PIEZO2: variants seen among roughly 807,000 people sequenced by gnomAD.
PIEZO2 encodes the protein piezo-type mechanosensitive ion channel component 2.
PIEZO2 carries 172 observed loss-of-function variants against 337.3 expected under a neutral mutation model. The observed-to-expected ratio is 0.51, with a 90% CI of 0.45 to 0.58. The LOEUF (loss-of-function observed/expected upper bound fraction) is 0.58, where lower values mean the gene tolerates loss of function less well. PIEZO2 is among the 20% of genes least tolerant of loss of function. The pLI is 0.00. For synonymous variants in PIEZO2, 1,251 were observed against 1,228.5 expected (o/e 1.02, Z -0.38); for missense variants, 3,028 against 3,391.3 (o/e 0.89, Z 2.66).
rs187083850 is a variant in PIEZO2 at position 10,834,535 on chromosome 18, G to C, written c.917+20818C>G. Among the ~76,000 whole-genome samples the C allele has an allele frequency of 2.2e-3, 331 of 152,290 alleles. 2 individuals are homozygous for C. Among genetic ancestry groups the C allele is most frequent in the Non-Finnish European group, 4.1e-3 (278 of 68,028 alleles). ...TGATGGAGTCACAGAGTCTTTTTGG[G>C]AGAATGCAACAGAATGTGATTGAAT... On this transcript the variant is annotated intron_variant, in intron 7 of 55. Coordinates refer to ENST00000674853, the MANE Select transcript of PIEZO2 (RefSeq NM_001378183.1). The surrounding 1 kb of genome is among the most constrained non-coding windows in gnomAD (Gnocchi z 4.5).
At position 10,677,355 on chromosome 18, in the gene PIEZO2, G is replaced by A. The variant is rs1598343662; in HGVS notation, c.8081+392C>T. On this transcript the variant is annotated intron_variant, in intron 53 of 55. Coordinates refer to ENST00000674853, the MANE Select transcript of PIEZO2 (RefSeq NM_001378183.1). The surrounding 1 kb of genome is among the most constrained non-coding windows in gnomAD (Gnocchi z 4.1). ...GCCTCAGGCTCCCAAGTAGCTGGGA[G>A]TACAGATGTGCACCACCACGCTTAG... Among the ~76,000 whole-genome samples, 1 of 152,096 alleles carries A rather than the reference G, an allele frequency of 6.6e-6. No homozygotes were observed. The highest frequency in any genetic ancestry group is 2.1e-4 in the South Asian group (1 of 4,830).
chr18:10,704,179 G>A (rs2035464354), intron 42 of PIEZO2: 2 of 620,730 alleles, frequency 3.2e-6, no homozygotes, highest in South Asian at 4.0e-5. Context: ...TGCGTGAGGT[G>A]TGCAGTGTGA....
chr18:10,754,987 A>G (rs2037780015), intron 27 of PIEZO2, among the ~76,000 whole-genome samples: 1 of 152,200 alleles, frequency 6.6e-6, no homozygotes. Context: ...AGCTTGGAAC[A>G]GAGCCTGGCG....
intron 37 of PIEZO2, 97 bp downstream of exon 37, chr18:10,718,103 C>T (rs1051214575): frequency 2.5e-5 from 26 of 1,058,452 alleles, no homozygotes; most frequent in African/African-American, 9.5e-5. Flanking sequence ...AAACAGTGTT[C>T]GATTCACAAT....
intron 1 of PIEZO2, among the ~76,000 whole-genome samples, chr18:11,119,170 CAG>C (rs2039967753): frequency 7.3e-6 from 1 of 137,768 alleles, no homozygotes; most frequent in African/African-American, 2.9e-5. Context: ...TTTTTTGAGA[CAG>C]AGTCTTGCTC....
At chr18:10,809,593 A>G (rs2040122632) in intron 7 of PIEZO2, among the ~76,000 whole-genome samples, 1 of 151,068 alleles carries the variant, frequency 6.6e-6, no homozygotes, top group South Asian at 2.1e-4. Flanking sequence ...TTTTTTTTCT[A>G]AAGAAACTAG....
At position 10,724,191 on chromosome 18, in the gene PIEZO2, G is replaced by C. The variant is rs2036434067; in HGVS notation, c.5030-5932C>G. On this transcript the variant is annotated intron_variant, in intron 36 of 55. Transcript: ENST00000674853. The surrounding 1 kb of genome is among the most constrained non-coding windows in gnomAD (Gnocchi z 5.8). ...ATTCCAGTAACCACCATCTAGGTGG[G>C]TGTTTAAAACTCTTGCTTTCCGCTG... 6.6e-6 allele frequency among the ~76,000 whole-genome samples: 1 copy of C among 152,174 alleles called. No individual in the cohort carries two copies. Among genetic ancestry groups the C allele is most frequent in the Non-Finnish European group, 1.5e-5 (1 of 68,022 alleles).
At chr18:10,800,558 A>G in intron 10 of PIEZO2, 83 bp from the exon 11 acceptor site, 1 of 1,409,660 alleles carries the variant, frequency 7.1e-7, no homozygotes, top group African/African-American at 1.5e-5. Context: ...CCCTTCCTCC[A>G]CCCTAACTGA....
rs2039686450 is a variant in PIEZO2 at position 11,110,100 on chromosome 18, G to A, written c.64+38425C>T. 6.6e-6 allele frequency among the ~76,000 whole-genome samples: 1 copy of A among 152,040 alleles called. No homozygotes were observed. Among genetic ancestry groups the A allele is most frequent in the South Asian group, 2.1e-4 (1 of 4,798 alleles). On this transcript the variant is annotated intron_variant, in intron 1 of 55. Transcript: ENST00000674853. The surrounding 1 kb of genome is among the most constrained non-coding windows in gnomAD (Gnocchi z 4.2). ...TCTCATTTTCCCAAGACTACAACTT[G>A]GGAAGTTTCAGCCTTTCCTTTTCTT... is the stretch of plus-strand genomic sequence containing the variant.
chr18:11,013,453 G>T (rs925391568), intron 2 of PIEZO2, among the ~76,000 whole-genome samples: 2 of 152,168 alleles, frequency 1.3e-5, no homozygotes, highest in Non-Finnish European at 2.9e-5. Flanking sequence ...GTCTTAAGCC[G>T]CCAAGTTTGC....
At chr18:10,729,121 T>G (rs1703227068) in intron 36 of PIEZO2, among the ~76,000 whole-genome samples, 1 of 152,144 alleles carries the variant, frequency 6.6e-6, no homozygotes, top group Non-Finnish European at 1.5e-5. Context: ...GTGTACCTCT[T>G]TACTGTTTGA....
intron 23 of PIEZO2, 107 bp downstream of exon 23, chr18:10,762,390 TGAG>T: frequency 7.5e-7 from 1 of 1,326,246 alleles, no homozygotes; most frequent in Middle Eastern, 1.9e-4. Flanking sequence ...AAATCCCACA[TGAG>T]AAGATATGGT....
At position 10,705,548 on chromosome 18, in the gene PIEZO2, T is replaced by G; in HGVS notation, c.5787A>C (p.Thr1929=). 5 of 1,537,258 alleles carry G rather than the reference T, an allele frequency of 3.3e-6. No individual in the cohort carries two copies. Among genetic ancestry groups the G allele is most frequent in the Non-Finnish European group, 4.4e-6 (5 of 1,146,902 alleles). Residue 1929 remains threonine (T), a synonymous_variant, in exon 41 of 56, where the codon ACA becomes ACC. Coordinates refer to ENST00000674853, the MANE Select transcript of PIEZO2 (RefSeq NM_001378183.1). ...CATCCCCGTCCAAGGTGGAGAACTGTGTCAGCTCTTCCTCTGGGGTGAGGC... is the reference window on the plus strand; with the variant it reads ...CATCCCCGTCCAAGGTGGAGAACTGGGTCAGCTCTTCCTCTGGGGTGAGGC... ...EASLTPEEEL[T]QFSTLDGDVE... is the part of the protein sequence containing the mutation.
rs2041652756 is a variant in PIEZO2, at chr18:10,854,688, C to G, written c.917+665G>C. On this transcript the variant is annotated intron_variant, in intron 7 of 55. Coordinates refer to ENST00000674853, the MANE Select transcript of PIEZO2 (RefSeq NM_001378183.1). The surrounding 1 kb of genome is among the most constrained non-coding windows in gnomAD (Gnocchi z 4.6). ...CTCCCTTTCTCTCTCACACCAGAGA[C>G]TTATGTATTTTCTTATTTATTTGTT... is the stretch of plus-strand genomic sequence containing the variant. 6.6e-6 allele frequency among the ~76,000 whole-genome samples: 1 copy of G among 152,146 alleles called. No homozygotes were observed. The highest frequency in any genetic ancestry group is 1.5e-5 in the Non-Finnish European group (1 of 68,024).
In PIEZO2 at chr18:10,673,920, C is replaced by A. The variant is rs1307594515; in HGVS notation, c.8162-1047G>T. ...TAGCTTATGAGCTAAAAAGATCATACCAAAATTTCATAATGTTTTAAGAAA... is the reference window on the plus strand; with the variant it reads ...TAGCTTATGAGCTAAAAAGATCATAACAAAATTTCATAATGTTTTAAGAAA... On this transcript the variant is annotated intron_variant, in intron 54 of 55. Coordinates refer to ENST00000674853, the MANE Select transcript of PIEZO2 (RefSeq NM_001378183.1). The surrounding 1 kb of genome is among the most constrained non-coding windows in gnomAD (Gnocchi z 4.8). 6.6e-6 allele frequency among the ~76,000 whole-genome samples: 1 copy of A among 152,124 alleles called. No homozygotes were observed. The highest frequency in any genetic ancestry group is 1.5e-5 in the Non-Finnish European group (1 of 68,020).
chr18:10,803,849 C>T (rs1201871816), intron 9 of PIEZO2, 26 bp downstream of exon 9: 23 of 1,535,336 alleles, frequency 1.5e-5, no homozygotes, highest in East Asian at 4.9e-5. Flanking sequence ...AATTAGGGAA[C>T]GGAAATCCCT....
intron 43 of PIEZO2, among the ~76,000 whole-genome samples, chr18:10,700,923 T>C (rs1460759277): frequency 6.6e-6 from 1 of 152,142 alleles, no homozygotes; most frequent in Non-Finnish European, 1.5e-5. Context: ...AATGGAGGGT[T>C]TGGGTACTTT....
intron 1 of PIEZO2, among the ~76,000 whole-genome samples, chr18:11,144,638 C>T (rs2146298061): frequency 6.6e-6 from 1 of 152,292 alleles, no homozygotes. Flanking sequence ...ATCCAACTAT[C>T]CTTAAAGGGA....
At chr18:11,090,793 T>A (rs552562031) in intron 1 of PIEZO2, among the ~76,000 whole-genome samples, 1 of 151,050 alleles carries the variant, frequency 6.6e-6, no homozygotes, top group Admixed American at 6.6e-5. Flanking sequence ...GCGCCTGTAG[T>A]CCTCAGCTAC....
Sources: allele counts gnomAD v4.1 joint callset (sites outside exome capture counted in the v4.1 genomes callset), GRCh38; gene constraint gnomAD v4.1.1; non-coding constraint Gnocchi (gnomAD v3.1); transcripts MANE v1.5; gene names NCBI Gene and HGNC (gene_info 2026-07-23, HGNC 2026-07-21).